Variants in COL6A6 observed in about 807,000 individuals in gnomAD.
The protein encoded by COL6A6 is collagen type VI alpha 6 chain, also known as collagen alpha-6(VI) chain.
COL6A6 carries 183 observed loss-of-function variants against 208.6 expected under a neutral mutation model. The observed-to-expected ratio is 0.88, with a 90% CI of 0.78 to 0.99. The LOEUF is 0.99. COL6A6 is among the 50% of genes least tolerant of loss of function. The pLI, the probability that COL6A6 is intolerant of heterozygous loss-of-function variation, is 0.00. For missense variants in COL6A6, 2,816 were observed against 2,815.2 expected, an observed-to-expected ratio of 1.00 and a Z score of -0.01; for synonymous variants, 973 against 1,011.8, an observed-to-expected ratio of 0.96 and a Z score of 0.73.
At chr3:130,673,229 A>C (rs1349159550) in intron 36 of COL6A6, among the ~76,000 whole-genome samples, 28 of 150,606 alleles carry the variant, frequency 1.9e-4, no homozygotes, top group Non-Finnish European at 2.7e-4. Flanking sequence ...AAAAAAAAAA[A>C]CAAAACCCAA....
chr3:130,589,004 G>T, intron 11 of COL6A6, 86 bp from the exon 12 acceptor site: 1 of 872,518 alleles, frequency 1.1e-6, no homozygotes, highest in Non-Finnish European at 1.8e-6. Context: ...AACTGTGGTA[G>T]AAGTCTGGAT....
chr3:130,557,359 C>T (rs2062789663), intron 1 of COL6A6, among the ~76,000 whole-genome samples: 1 of 152,194 alleles, frequency 6.6e-6, no homozygotes, highest in Non-Finnish European at 1.5e-5. Context: ...AGCATTTATT[C>T]AATATTTGTC....
chr3:130,586,713 T>A, intron 11 of COL6A6, 53 bp downstream of exon 11: 1 of 1,529,826 alleles, frequency 6.5e-7, no homozygotes, highest in African/African-American at 1.4e-5. Context: ...ATTTTGTATA[T>A]AAGTTTAATA....
intron 1 of COL6A6, among the ~76,000 whole-genome samples, chr3:130,533,400 C>A (rs1419278379): frequency 6.6e-6 from 1 of 152,138 alleles, no homozygotes; most frequent in Non-Finnish European, 1.5e-5. Context: ...ATGAACACTC[C>A]TTTTTTGAAA....
In COL6A6 at chr3:130,559,460, A is replaced by G. The variant is rs115349253; in HGVS notation, c.-31-874A>G. Reference sequence around the variant, plus strand: ...CATGATAAATGTCCCTTTTCTGAAGAGATTGAATATTAGAAACTCAGAGCC... The same window carrying G: ...CATGATAAATGTCCCTTTTCTGAAGGGATTGAATATTAGAAACTCAGAGCC... On this transcript the variant is annotated intron_variant, in intron 1 of 36. Coordinates refer to ENST00000358511, the MANE Select transcript of COL6A6 (RefSeq NM_001102608.3). Among the ~76,000 whole-genome samples the G allele has an allele frequency of 3.6e-3, 550 of 152,330 alleles. 4 individuals are homozygous for G. Among genetic ancestry groups the G allele is most frequent in the African/African-American group, 0.012 (497 of 41,568 alleles).
Position 130,675,642 on chromosome 3 carries a change from T to TA in COL6A6, c.*245_*246insA, listed in dbSNP as rs1394108579. 1 of 378,784 alleles carries TA rather than the reference T, an allele frequency of 2.6e-6. No homozygotes were observed. Among genetic ancestry groups the TA allele is most frequent in the Non-Finnish European group, 4.7e-6 (1 of 211,184 alleles). 23.5% of individuals were successfully genotyped at this position (378,784 alleles called of 1,614,324 possible). A position where few individuals can be genotyped will look rare whatever the true frequency, so the allele number is the denominator to read the frequency against. The stretch of plus-strand genomic sequence containing the variant: ...AGACAGAAGAATGAAAGAAGTGTTT[T>TA]GAAAAGTCTAATGGAGATATAATTT... On this transcript the variant is annotated 3_prime_UTR_variant, in exon 37 of 37. Transcript: ENST00000358511.
chr3:130,589,684 C>T (rs556793570), intron 12 of COL6A6, among the ~76,000 whole-genome samples: 1 of 152,212 alleles, frequency 6.6e-6, no homozygotes, highest in East Asian at 1.9e-4. Context: ...GATATATAAA[C>T]AAAAACAGGC....
At chr3:130,620,753 T>G (rs2064690863) in intron 23 of COL6A6, among the ~76,000 whole-genome samples, 1 of 152,236 alleles carries the variant, frequency 6.6e-6, no homozygotes, top group South Asian at 2.1e-4. Flanking sequence ...ATGTTAATGT[T>G]ACAATATTTT....
At chr3:130,635,954 G>A (rs1256823779) in intron 28 of COL6A6, among the ~76,000 whole-genome samples, 193 bp downstream of exon 28, 2 of 152,230 alleles carry the variant, frequency 1.3e-5, no homozygotes, top group East Asian at 1.9e-4. Context: ...TGAACTGTTT[G>A]CTTTTAGTGA....
chr3:130,656,030 T>C (rs963388549), intron 33 of COL6A6, among the ~76,000 whole-genome samples: 26 of 152,150 alleles, frequency 1.7e-4, no homozygotes, highest in Admixed American at 1.6e-3. Context: ...CTGGGGAACA[T>C]GGTGGCACCT....
intron 22 of COL6A6, among the ~76,000 whole-genome samples, chr3:130,609,273 G>C (rs1197413992): frequency 1.3e-5 from 2 of 152,140 alleles, no homozygotes; most frequent in Non-Finnish European, 2.9e-5. Flanking sequence ...CTCAGATCTG[G>C]GAATTGTGGT....
intron 5 of COL6A6, 68 bp downstream of exon 5, chr3:130,567,330 T>C: frequency 8.2e-7 from 1 of 1,222,386 alleles, no homozygotes; most frequent in Non-Finnish European, 1.1e-6. Context: ...ATAATTGACA[T>C]TGCTGGTTTA....
chr3:130,597,455 T>C (rs1359975167), intron 18 of COL6A6, among the ~76,000 whole-genome samples: 1 of 152,244 alleles, frequency 6.6e-6, no homozygotes, highest in Admixed American at 6.5e-5. Flanking sequence ...AACAATGATA[T>C]GTCCCTGCTG....
intron 8 of COL6A6, among the ~76,000 whole-genome samples, chr3:130,576,734 T>C (rs2063307144): frequency 6.6e-6 from 1 of 152,166 alleles, no homozygotes; most frequent in Admixed American, 6.5e-5. Flanking sequence ...AGGAAGAATG[T>C]GAGGCAGGCT....
At chr3:130,549,855 C>CT (rs2062603281) in intron 1 of COL6A6, among the ~76,000 whole-genome samples, 1 of 152,140 alleles carries the variant, frequency 6.6e-6, no homozygotes, top group South Asian at 2.1e-4. Context: ...ATTGCCTTGG[C>CT]TATTTAGGCT....
chr3:130,662,293 A>T lies in COL6A6; in HGVS notation c.6487A>T (p.Ile2163Leu), dbSNP rs2065957866. The T allele has an allele frequency of 1.9e-6, 3 of 1,613,020 alleles. No homozygotes were observed. Among genetic ancestry groups the T allele is most frequent in the Non-Finnish European group, 2.5e-6 (3 of 1,179,176 alleles). ...SYGVKFVKSF[I>L]NSIRRAINKY... The stretch of plus-strand genomic sequence containing the variant: ...TGGTGTGAAGTTTGTGAAGTCCTTT[A>T]TAAACTCAATCAGGCGTAAGTCATA... Residue 2163 changes from isoleucine to leucine, a missense_variant, in exon 35 of 37, where the codon ATA (isoleucine) becomes TTA (leucine). Transcript: ENST00000358511.
rs1456089322 is a variant in COL6A6 at position 130,641,705 on chromosome 3, TG to T, written c.5147del (p.Gly1716AspfsTer5). On this transcript the variant is annotated frameshift_variant, in exon 29 of 37. Transcript: ENST00000358511. LOFTEE classifies it high-confidence loss of function. ...MGSPGEPGPPGRKGVKGAKGL... is the reference protein window; with the variant it reads ...MGSPGEPGPPXRKGVKGAKGL... ...GATCCCCTGGGGAACCAGGACCTCC[TG>T]GACGTAAGGTAAGTAGAAAAACTAT... 2 of 1,592,742 alleles carry T rather than the reference TG, an allele frequency of 1.3e-6. No individual in the cohort carries two copies. The highest frequency in any genetic ancestry group is 1.7e-6 in the Non-Finnish European group (2 of 1,162,156).
intron 20 of COL6A6, among the ~76,000 whole-genome samples, chr3:130,605,372 C>CTGTG (rs764831606): frequency 5.6e-5 from 8 of 142,976 alleles, no homozygotes; most frequent in South Asian, 4.4e-4. Flanking sequence ...GAGGTCAGGA[C>CTGTG]TGTGTGTGTG....
intron 1 of COL6A6, among the ~76,000 whole-genome samples, chr3:130,522,750 T>A (rs1448002391): frequency 6.6e-6 from 1 of 152,190 alleles, no homozygotes; most frequent in Non-Finnish European, 1.5e-5. Flanking sequence ...GCCTTGAGGA[T>A]CTGTCCTTCT....
Sources: allele counts gnomAD v4.1 joint callset (sites outside exome capture counted in the v4.1 genomes callset), GRCh38; gene constraint gnomAD v4.1.1; transcripts MANE v1.5; gene names NCBI Gene and HGNC (gene_info 2026-07-23, HGNC 2026-07-21).